TTLL5: variants seen among roughly 807,000 people sequenced by gnomAD.
TTLL5 encodes the protein tubulin polyglutamylase TTLL5.
A neutral mutation model predicts 168.4 loss-of-function variants in TTLL5; 132 were observed. That is an observed-to-expected ratio of 0.78 (90% CI 0.68 to 0.91). The LOEUF (loss-of-function observed/expected upper bound fraction) is 0.91, where lower values mean the gene tolerates loss of function less well. Ranked by LOEUF, TTLL5 falls within the 40% of genes least tolerant of loss-of-function variation. TTLL5 has a pLI of 0.00. For missense variants in TTLL5, 1,545 were observed against 1,581.5 expected, an observed-to-expected ratio of 0.98 and a Z score of 0.39; for synonymous variants, 546 against 558.6, an observed-to-expected ratio of 0.98 and a Z score of 0.32.
intron 31 of TTLL5, among the ~76,000 whole-genome samples, chr14:75,914,033 A>ATATATATATATATATAT (rs1555356334): frequency 8.4e-5 from 6 of 71,102 alleles, no homozygotes; most frequent in South Asian, 1.1e-3. Context: ...AAAAAAAAAA[A>ATATATATATATATATAT]ATATATATAT....
intron 29 of TTLL5, among the ~76,000 whole-genome samples, chr14:75,880,546 C>T (rs2031751393): frequency 6.6e-6 from 1 of 152,118 alleles, no homozygotes; most frequent in South Asian, 2.1e-4. Flanking sequence ...GGTCTCTTCC[C>T]ATCTTGAATG....
rs868656032 is a variant in TTLL5, at chr14:75,682,207, C to A, written c.264+580C>A. Among the ~76,000 whole-genome samples the A allele has an allele frequency of 6.9e-3, 961 of 138,344 alleles. 12 individuals carry two copies. In the South Asian group the frequency reaches 0.076, roughly 11 times the overall value. The allele number at this position is 138,344 out of a possible 152,430, so 90.8% of individuals were successfully genotyped here. On this transcript the variant is annotated intron_variant, in intron 4 of 31. Coordinates refer to ENST00000298832, the MANE Select transcript of TTLL5 (RefSeq NM_015072.5). The stretch of plus-strand genomic sequence containing the variant: ...TCCGTCTCAAAAAAAAAAAAAAAAA[C>A]AAACCCAAAAGGGATTTGTCAGAAT...
At chr14:75,672,682 T>C (rs1883838112) in intron 3 of TTLL5, among the ~76,000 whole-genome samples, 1 of 152,234 alleles carries the variant, frequency 6.6e-6, no homozygotes, top group Non-Finnish European at 1.5e-5. Context: ...CAACCTCTGC[T>C]TGCTGTAGGT....
intron 30 of TTLL5, among the ~76,000 whole-genome samples, chr14:75,887,877 A>G (rs75469905): frequency 7.1e-4 from 108 of 152,360 alleles, no homozygotes; most frequent in African/African-American, 2.5e-3. Context: ...ACTCAAAAGG[A>G]GGAAGAATTA....
intron 15 of TTLL5, among the ~76,000 whole-genome samples, chr14:75,737,188 G>A (rs1265128321): frequency 6.6e-6 from 1 of 152,190 alleles, no homozygotes; most frequent in Non-Finnish European, 1.5e-5. Flanking sequence ...TTGCCAACTG[G>A]TAGGTAATGG....
intron 9 of TTLL5, among the ~76,000 whole-genome samples, chr14:75,716,034 A>G (rs1191646916): frequency 6.6e-6 from 1 of 152,142 alleles, no homozygotes; most frequent in Non-Finnish European, 1.5e-5. Context: ...GGATGACAGG[A>G]GGGATGTCAC....
chr14:75,785,595 A>G (rs1479601484), intron 26 of TTLL5, among the ~76,000 whole-genome samples: 2 of 152,200 alleles, frequency 1.3e-5, no homozygotes, highest in Non-Finnish European at 2.9e-5. Context: ...GTGGATATTC[A>G]GTTAAATCAG....
chr14:75,705,227 G>A (rs1000505403), intron 7 of TTLL5, among the ~76,000 whole-genome samples: 5 of 152,204 alleles, frequency 3.3e-5, no homozygotes, highest in South Asian at 4.1e-4. Context: ...CCTATGATGC[G>A]TAGAGATGGG....
At chr14:75,680,856 A>T (rs1316697306) in intron 3 of TTLL5, among the ~76,000 whole-genome samples, 2 of 151,780 alleles carry the variant, frequency 1.3e-5, no homozygotes, top group Non-Finnish European at 2.9e-5. Flanking sequence ...CGAATTCCTG[A>T]CCTCAGGTGA....
chr14:75,857,292 A>AC (rs1333249751), intron 28 of TTLL5, among the ~76,000 whole-genome samples: 3 of 151,886 alleles, frequency 2.0e-5, no homozygotes, highest in African/African-American at 7.3e-5. Context: ...TATATGATAG[A>AC]TTTTTTTTCT....
At chr14:75,835,246 G>A (rs1023573968) in intron 28 of TTLL5, 1 of 152,196 alleles carries the variant, frequency 6.6e-6, no homozygotes, top group Non-Finnish European at 1.5e-5. Context: ...ATCAAAAGAT[G>A]CAAGACAATA....
chr14:75,673,773 T>A (rs1421477445), intron 3 of TTLL5, among the ~76,000 whole-genome samples: 1 of 152,176 alleles, frequency 6.6e-6, no homozygotes, highest in Non-Finnish European at 1.5e-5. Flanking sequence ...ACTGTTAGCA[T>A]TGCTTCTGGG....
chr14:75,739,374 T>TA (rs1889108297), intron 15 of TTLL5, among the ~76,000 whole-genome samples: 2 of 152,192 alleles, frequency 1.3e-5, no homozygotes, highest in South Asian at 4.1e-4. Context: ...GAAGCACTCT[T>TA]AACTTCACAG....
At chr14:75,818,770 G>T (rs1007929943) in intron 27 of TTLL5, among the ~76,000 whole-genome samples, 4 of 151,352 alleles carry the variant, frequency 2.6e-5, no homozygotes, top group African/African-American at 9.7e-5. Flanking sequence ...AAGTGTTGGG[G>T]TTACAGGCGT....
intron 6 of TTLL5, among the ~76,000 whole-genome samples, chr14:75,696,751 T>C (rs183970985): frequency 6.6e-6 from 1 of 152,336 alleles, no homozygotes; most frequent in Non-Finnish European, 1.5e-5. Context: ...TTACTAGTTT[T>C]TTACATACCC....
intron 31 of TTLL5, among the ~76,000 whole-genome samples, chr14:75,922,046 G>GGT (rs1401085937): frequency 1.3e-5 from 2 of 152,074 alleles, no homozygotes; most frequent in Non-Finnish European, 2.9e-5. Flanking sequence ...GTTTGTTACT[G>GGT]GTGTATAGGA....
chr14:75,847,804 C>G (rs1006539995), intron 28 of TTLL5: 4 of 152,062 alleles, frequency 2.6e-5, no homozygotes, highest in Non-Finnish European at 4.4e-5. Context: ...TGTTAACACA[C>G]AGATTGCTGG....
chr14:75,764,514 A>G, intron 18 of TTLL5, 101 bp from the exon 19 acceptor site: 2 of 1,383,672 alleles, frequency 1.4e-6, no homozygotes, highest in African/African-American at 1.4e-5. Flanking sequence ...TTGAGTTACC[A>G]TGTCCAGTAT....
intron 24 of TTLL5, 94 bp from the exon 25 acceptor site, chr14:75,782,393 A>C: frequency 1.0e-6 from 1 of 952,986 alleles, no homozygotes; most frequent in Non-Finnish European, 1.6e-6. Context: ...ATTGATTAGC[A>C]GTTGTGTTAT....
Sources: allele counts gnomAD v4.1 joint callset (sites outside exome capture counted in the v4.1 genomes callset), GRCh38; gene constraint gnomAD v4.1.1; transcripts MANE v1.5; gene names NCBI Gene and HGNC (gene_info 2026-07-23, HGNC 2026-07-21).